The following WDR33 variants were observed in gnomAD, a reference collection of about 807,000 sequenced individuals.
WDR33 encodes WD repeat domain 33.
Under a neutral mutation model 164.9 loss-of-function variants are expected in WDR33, and 47 were observed. That is an observed-to-expected ratio of 0.29 (90% CI 0.23 to 0.36). The LOEUF (loss-of-function observed/expected upper bound fraction) is 0.36. Among genes scored for constraint, WDR33 ranks in the 10% least tolerant of loss-of-function variants. The pLI, the probability that WDR33 is intolerant of heterozygous loss-of-function variation, is 1.00. For synonymous variants in WDR33, 505 were observed against 589.0 expected (o/e 0.86, Z 2.06); for missense variants, 1,137 against 1,754.1 (o/e 0.65, Z 6.28).
At chr2:127,747,676 G>A (rs1165641264) in intron 7 of WDR33, among the ~76,000 whole-genome samples, 1 of 152,124 alleles carries the variant, frequency 6.6e-6, no homozygotes, top group Non-Finnish European at 1.5e-5. Context: ...TGGTTAACAT[G>A]CCACCAAATT....
Position 127,709,735 on chromosome 2 carries a change from G to T in WDR33, c.3430C>A (p.Arg1144=). The part of the protein sequence containing the change: ...ENFDASEEAA[R]GRDLRGRGRG... The stretch of plus-strand genomic sequence containing the variant: ...CCTCGACCTCTGAGATCTCGTCCTC[G>T]GGCCGCTTCCTCAGAAGCATCAAAA... Residue 1144 remains arginine (R), a synonymous_variant, in exon 19 of 22, where the codon CGA becomes AGA. Transcript: ENST00000322313. This position sits in a 1 kb window ranked among gnomAD's most constrained non-coding sequence, Gnocchi z 5.0. The T allele has an allele frequency of 6.2e-7, 1 of 1,614,136 alleles. No individual in the cohort carries two copies. The highest frequency in any genetic ancestry group is 8.5e-7 in the Non-Finnish European group (1 of 1,180,022).
Position 127,722,788 on chromosome 2 carries a change from C to A in WDR33, c.1379-58G>T. The stretch of plus-strand genomic sequence containing the variant: ...AAATAAAAGAAATTGGCCACTTGAT[C>A]AATGAACACATTATTGGAAGAATAG... On this transcript the variant is annotated intron_variant, in intron 13 of 21. Coordinates refer to ENST00000322313, the MANE Select transcript of WDR33 (RefSeq NM_018383.5). The surrounding 1 kb of genome is among the most constrained non-coding windows in gnomAD (Gnocchi z 5.1). The A allele has an allele frequency of 1.9e-6, 3 of 1,561,208 alleles. No individual in the cohort carries two copies. Among genetic ancestry groups the A allele is most frequent in the South Asian group, 1.2e-5 (1 of 85,560 alleles).
intron 1 of WDR33, among the ~76,000 whole-genome samples, chr2:127,774,236 A>G (rs10197100): frequency 0.021 from 3,206 of 150,074 alleles, 124 homozygotes; most frequent in African/African-American, 0.076. Flanking sequence ...ATTTTCAGTA[A>G]AGACAGGGTT....
At chr2:127,739,753 G>A (rs992043681) in intron 7 of WDR33, among the ~76,000 whole-genome samples, 2 of 152,110 alleles carry the variant, frequency 1.3e-5, no homozygotes, top group Non-Finnish European at 2.9e-5. Flanking sequence ...TTCACCATGG[G>A]GACAGCTATT....
chr2:127,767,544 T>TGG, intron 4 of WDR33, among the ~76,000 whole-genome samples: 1 of 151,884 alleles, frequency 6.6e-6, no homozygotes, highest in East Asian at 1.9e-4. Context: ...AAACCCCGTC[T>TGG]CTACTAAAAA....
Position 127,724,505 on chromosome 2 carries a change from T to A in WDR33, c.1086-62A>T. 1 of 1,411,042 alleles carries A rather than the reference T, an allele frequency of 7.1e-7. No individual in the cohort carries two copies. The highest frequency in any genetic ancestry group is 1.0e-6 in the Non-Finnish European group (1 of 1,004,688). 87.4% of individuals were successfully genotyped at this position (1,411,042 alleles called of 1,614,324 possible). A position where few individuals can be genotyped will look rare whatever the true frequency, so the allele number is the denominator to read the frequency against. ...AAGTTACCCAGCTTCTCCCTCCCCC[T>A]CAAAAAAGACATTTTCTGTTACTCT... On this transcript the variant is annotated intron_variant, in intron 10 of 21. Transcript: ENST00000322313. The surrounding 1 kb of genome is among the most constrained non-coding windows in gnomAD (Gnocchi z 4.8).
Position 127,713,608 on chromosome 2 carries a change from G to A in WDR33, c.3283C>T (p.Arg1095Cys), listed in dbSNP as rs560861787. The change falls in exon 18 of 22, where the codon CGT (arginine) becomes TGT (cysteine). Residue 1095 changes from arginine (R) to cysteine (C), a missense_variant. Around this residue, in one of 9 missense-constraint regions of WDR33, gnomAD observed 867 missense variants for 1,073.0 expected, o/e 0.81. Transcript: ENST00000322313. The surrounding 1 kb of genome is among the most constrained non-coding windows in gnomAD (Gnocchi z 6.2). ...ERFPRDPEDPRFRGRREESFR... is the reference protein window; with the variant it reads ...ERFPRDPEDPCFRGRREESFR... ...CTTTCTTCTCTGCGCCCTCGAAAAC[G>A]TGGGTCCTCGGGATCCCGGGGGAAA... 4.0e-5 allele frequency: 64 copies of A among 1,614,220 alleles called. No individual in the cohort carries two copies. The highest frequency in any genetic ancestry group is 2.7e-4 in the East Asian group (12 of 44,882).
At chr2:127,707,445 T>G (rs918685039) in intron 21 of WDR33, among the ~76,000 whole-genome samples, 2 of 152,126 alleles carry the variant, frequency 1.3e-5, no homozygotes, top group African/African-American at 4.8e-5. Context: ...AATCTTGGCT[T>G]CTTTTCTTAG....
rs1318330006 is a variant in WDR33 at position 127,750,702 on chromosome 2, A to G, written c.724+12360T>C. Among the ~76,000 whole-genome samples the G allele has an allele frequency of 1.7e-4, 10 of 58,756 alleles. 1 individual carries two copies. The highest frequency in any genetic ancestry group is 5.4e-4 in the African/African-American group (5 of 9,260). 38.5% of individuals were successfully genotyped at this position (58,756 alleles called of 152,430 possible). On this transcript the variant is annotated intron_variant, in intron 7 of 21. Coordinates refer to ENST00000322313, the MANE Select transcript of WDR33 (RefSeq NM_018383.5). The stretch of plus-strand genomic sequence containing the variant: ...AATATATATATATATATATATATAT[A>G]TATATATATATGTATGTATGCATAC...
chr2:127,757,537 G>A (rs1687554019), intron 7 of WDR33, among the ~76,000 whole-genome samples: 1 of 152,148 alleles, frequency 6.6e-6, no homozygotes, highest in South Asian at 2.1e-4. Flanking sequence ...GCTAGCTGTA[G>A]TAAAATGGGT....
rs1686112193 is a variant in WDR33 at position 127,709,820 on chromosome 2, A to G, written c.3345T>C (p.Arg1115=). ...AACCATCCCTTCCTCTGGGGGGAGCACGGCCCTCATGCCTCGGCGGGGCTC... is the reference window on the plus strand; with the variant it reads ...AACCATCCCTTCCTCTGGGGGGAGCGCGGCCCTCATGCCTCGGCGGGGCTC... ...RRGAPPRHEG[R]APPRGRDGFP... is the part of the protein sequence containing the mutation. The change falls in exon 19 of 22, where the codon CGT becomes CGC. Residue 1115 remains arginine, a synonymous_variant. Transcript: ENST00000322313. The surrounding 1 kb of genome is among the most constrained non-coding windows in gnomAD (Gnocchi z 5.0). 1.2e-6 allele frequency: 2 copies of G among 1,614,232 alleles called. No individual in the cohort carries two copies. Among genetic ancestry groups the G allele is most frequent in the African/African-American group, 1.3e-5 (1 of 75,054 alleles).
chr2:127,701,478 A>C lies in WDR33; in HGVS notation c.*4845T>G. ...CCCGAAGACCGAACCGCTTCAGCGGAGGGCCGGAAGTGAGCCGCAGCTTTT... is the reference window on the plus strand; with the variant it reads ...CCCGAAGACCGAACCGCTTCAGCGGCGGGCCGGAAGTGAGCCGCAGCTTTT... On this transcript the variant is annotated 3_prime_UTR_variant, in exon 22 of 22. Transcript: ENST00000322313. 1 of 1,249,268 alleles carries C rather than the reference A, an allele frequency of 8.0e-7. No individual in the cohort carries two copies. The highest frequency in any genetic ancestry group is 1.0e-6 in the Non-Finnish European group (1 of 993,408). 77.4% of individuals were successfully genotyped at this position (1,249,268 alleles called of 1,614,324 possible).
chr2:127,810,252 A>G (rs10200447), intron 1 of WDR33, among the ~76,000 whole-genome samples: 3,232 of 152,272 alleles, frequency 0.021, 123 homozygotes, highest in African/African-American at 0.075. Flanking sequence ...AACATTCTTG[A>G]CAGGCTTTCT....
At chr2:127,766,905 C>T (rs1687839879) in intron 4 of WDR33, among the ~76,000 whole-genome samples, 1 of 152,030 alleles carries the variant, frequency 6.6e-6, no homozygotes, top group Admixed American at 6.5e-5. Context: ...CTCTCAGGCA[C>T]GTGCCACCAC....
chr2:127,802,766 C>G (rs1689298298), intron 1 of WDR33, among the ~76,000 whole-genome samples: 1 of 151,884 alleles, frequency 6.6e-6, no homozygotes. Flanking sequence ...AACCGATGAC[C>G]CCAGGAGTTC....
chr2:127,717,031 C>T lies in WDR33; in HGVS notation c.2869+124G>A. ...CAAAGCTCCTACCTGAATGACCACA[C>T]CCTTATTTTGCCCAGAGGTTCAAAT... On this transcript the variant is annotated intron_variant, in intron 17 of 21. Coordinates refer to ENST00000322313, the MANE Select transcript of WDR33 (RefSeq NM_018383.5). The surrounding 1 kb of genome is among the most constrained non-coding windows in gnomAD (Gnocchi z 5.6). 2 of 954,594 alleles carry T rather than the reference C, an allele frequency of 2.1e-6. No homozygotes were observed. Among genetic ancestry groups the T allele is most frequent in the Non-Finnish European group, 3.3e-6 (2 of 614,704 alleles). The allele number at this position is 954,594 out of a possible 1,614,324, so 59.1% of individuals were successfully genotyped here. A position where few individuals can be genotyped will look rare whatever the true frequency, so the allele number is the denominator to read the frequency against.
chr2:127,798,719 AGT>A (rs950658579), intron 1 of WDR33, among the ~76,000 whole-genome samples: 14 of 152,238 alleles, frequency 9.2e-5, no homozygotes, highest in African/African-American at 3.4e-4. Flanking sequence ...CAAAAAAAAC[AGT>A]GTTATTAGAG....
chr2:127,701,277 G>A lies in WDR33; in HGVS notation c.*5046C>T, dbSNP rs940832328. The A allele has an allele frequency of 6.1e-6, 2 of 327,334 alleles. No homozygotes were observed. The highest frequency in any genetic ancestry group is 1.1e-5 in the Non-Finnish European group (2 of 181,626). The allele number at this position is 327,334 out of a possible 1,614,324, so 20.3% of individuals were successfully genotyped here. A position where few individuals can be genotyped will look rare whatever the true frequency, so the allele number is the denominator to read the frequency against. On this transcript the variant is annotated 3_prime_UTR_variant, in exon 22 of 22. Transcript: ENST00000322313. ...TGGCAGGACTTAGCCAGACCGCAAG[G>A]GCGCCTACTCCGAACAAGGAAGAGG...
At chr2:127,779,315 A>G (rs1459292851) in intron 1 of WDR33, among the ~76,000 whole-genome samples, 4 of 151,942 alleles carry the variant, frequency 2.6e-5, no homozygotes, top group Non-Finnish European at 5.9e-5. Flanking sequence ...TACATACAAA[A>G]ATTAGCTAGG....
Sources: allele counts gnomAD v4.1 joint callset (sites outside exome capture counted in the v4.1 genomes callset), GRCh38; gene constraint gnomAD v4.1.1; regional missense constraint gnomAD v4.1.1; non-coding constraint Gnocchi (gnomAD v3.1); transcripts MANE v1.5; gene names NCBI Gene and HGNC (gene_info 2026-07-23, HGNC 2026-07-21).